RBM39: variants seen among roughly 807,000 people sequenced by gnomAD.
The protein encoded by RBM39 is RNA binding motif protein 39.
Under a neutral mutation model 79.6 loss-of-function variants are expected in RBM39, and 12 were observed. That is an observed-to-expected ratio of 0.15 (90% CI 0.10 to 0.24). RBM39 has a LOEUF of 0.24. Among genes scored for constraint, RBM39 ranks in the 10% least tolerant of loss-of-function variants. The pLI, the probability that RBM39 is intolerant of heterozygous loss-of-function variation, is 1.00. For missense variants in RBM39, 243 were observed against 653.4 expected, an observed-to-expected ratio of 0.37 and a Z score of 6.85; for synonymous variants, 185 against 208.4, an observed-to-expected ratio of 0.89 and a Z score of 0.97.
At chr20:35,707,314 T>C (rs905646011) in intron 13 of RBM39, 113 bp from the exon 14 acceptor site, 2 of 561,946 alleles carry the variant, frequency 3.6e-6, no homozygotes, top group Admixed American at 3.7e-5. Context: ...AGGATGTCAC[T>C]GGAGTTATTT....
intron 12 of RBM39, 48 bp downstream of exon 12, chr20:35,712,971 G>A (rs192200260): frequency 4.6e-5 from 70 of 1,525,448 alleles, no homozygotes; most frequent in African/African-American, 4.5e-4. Context: ...GAAAATTTTC[G>A]AATTAGATGA....
chr20:35,704,473 A>G lies in RBM39; in HGVS notation c.*8T>C, dbSNP rs1568977914. 1 of 1,579,784 alleles carries G rather than the reference A, an allele frequency of 6.3e-7. No individual in the cohort carries two copies. The highest frequency in any genetic ancestry group is 1.7e-5 in the Admixed American group (1 of 59,522). ...AAAAGCTATATACATAAGGGACTAT[A>G]TCTTCCTTCATCGTCTACTTGGAAC... is the stretch of plus-strand genomic sequence containing the variant. On this transcript the variant is annotated 3_prime_UTR_variant, in exon 17 of 17. Coordinates refer to ENST00000253363, the MANE Select transcript of RBM39 (RefSeq NM_184234.3).
At chr20:35,726,685 A>G (rs2038731433) in intron 6 of RBM39, among the ~76,000 whole-genome samples, 1 of 152,214 alleles carries the variant, frequency 6.6e-6, no homozygotes, top group African/African-American at 2.4e-5. Context: ...GTCTATTAAC[A>G]TCATCTCTGT....
chr20:35,720,762 A>C lies in RBM39; in HGVS notation c.825+978T>G, dbSNP rs555155878. Among the ~76,000 whole-genome samples, 3 of 152,182 alleles carry C rather than the reference A, an allele frequency of 2.0e-5. No individual in the cohort carries two copies. The East Asian group carries it at 5.8e-4, about 29-fold the overall frequency. ...ACTCCAGCCTGGGCAGCAGAATAAG[A>C]CTCTGTCTCAAAAAGTCAATGGAGA... is the stretch of plus-strand genomic sequence containing the variant. On this transcript the variant is annotated intron_variant, in intron 9 of 16. Transcript: ENST00000253363.
Position 35,705,213 on chromosome 20 carries a change from A to C in RBM39, c.1413+12T>G, listed in dbSNP as rs1453827949. 8 of 1,448,952 alleles carry C rather than the reference A, an allele frequency of 5.5e-6. No individual in the cohort carries two copies. The highest frequency in any genetic ancestry group is 6.7e-6 in the Non-Finnish European group (7 of 1,052,514). 89.8% of individuals were successfully genotyped at this position (1,448,952 alleles called of 1,614,324 possible). ...ACAACCTAACATCATTTATAAAAAA[A>C]GATGAAAATACCTGAGCTGAATTTT... is the stretch of plus-strand genomic sequence containing the variant. On this transcript the variant is annotated intron_variant, in intron 15 of 16. Coordinates refer to ENST00000253363, the MANE Select transcript of RBM39 (RefSeq NM_184234.3).
At chr20:35,720,142 T>C (rs2037723312) in intron 9 of RBM39, 1 of 154,862 alleles carries the variant, frequency 6.5e-6, no homozygotes, top group Non-Finnish European at 1.5e-5. Context: ...TCCTTTTAAA[T>C]TTATGCCTTT....
intron 1 of RBM39, 136 bp from the exon 2 acceptor site, chr20:35,741,023 C>CTTTTTTTT: frequency 2.4e-5 from 2 of 83,936 alleles, no homozygotes; most frequent in Non-Finnish European, 4.4e-5. Flanking sequence ...CGTGAGTAAA[C>CTTTTTTTT]ATTTTTCTTT....
At chr20:35,724,874 G>C (rs1038220600) in intron 7 of RBM39, 152 bp from the exon 8 acceptor site, 1 of 1,151,316 alleles carries the variant, frequency 8.7e-7, no homozygotes, top group Admixed American at 2.5e-5. Context: ...CTTTATCTTT[G>C]AACAAATTTG....
intron 2 of RBM39, chr20:35,739,856 G>A (rs1488230332): frequency 1.1e-5 from 2 of 176,800 alleles, no homozygotes; most frequent in African/African-American, 4.8e-5. Flanking sequence ...AAAAGGTTTA[G>A]TGAAATGTTT....
Position 35,707,109 on chromosome 20 carries a change from C to T in RBM39, c.1307+11G>A. ...TGATAGGAAATATCAAGAATAAAGT[C>T]CATTACTTACGTTTGAGGGTTAAAC... On this transcript the variant is annotated intron_variant, in intron 14 of 16. Transcript: ENST00000253363. The T allele has an allele frequency of 6.6e-7, 1 of 1,518,318 alleles. No individual in the cohort carries two copies. The highest frequency in any genetic ancestry group is 9.0e-7 in the Non-Finnish European group (1 of 1,108,314). The allele number at this position is 1,518,318 out of a possible 1,614,324, so 94.1% of individuals were successfully genotyped here. A position where few individuals can be genotyped will look rare whatever the true frequency, so the allele number is the denominator to read the frequency against.
intron 9 of RBM39, among the ~76,000 whole-genome samples, chr20:35,718,103 C>T (rs2037393387): frequency 6.6e-6 from 1 of 152,078 alleles, no homozygotes; most frequent in African/African-American, 2.4e-5. Flanking sequence ...TCGTGATCCA[C>T]CCGCCTCGGC....
chr20:35,708,093 TATATC>T (rs1485150456), intron 13 of RBM39: 4 of 234,054 alleles, frequency 1.7e-5, no homozygotes, highest in Non-Finnish European at 2.8e-5. Flanking sequence ...GTGCATGAAA[TATATC>T]ATAAATGATA....
intron 3 of RBM39, chr20:35,734,664 T>C: frequency 2.1e-6 from 1 of 476,664 alleles, no homozygotes; most frequent in Non-Finnish European, 3.4e-6. Context: ...ACTTAAGGTC[T>C]TCTAGGACTT....
intron 9 of RBM39, among the ~76,000 whole-genome samples, chr20:35,720,393 T>C (rs1569023240): frequency 6.6e-6 from 1 of 152,148 alleles, no homozygotes; most frequent in African/African-American, 2.4e-5. Context: ...TAACAGCTCA[T>C]GTGGCCCCAA....
intron 6 of RBM39, 76 bp from the exon 7 acceptor site, chr20:35,725,231 A>T: frequency 9.7e-7 from 1 of 1,029,232 alleles, no homozygotes; most frequent in Non-Finnish European, 1.4e-6. Context: ...ATTTCTTCAT[A>T]TAGTTCAACA....
chr20:35,738,912 G>A (rs148619397), intron 3 of RBM39, 56 bp downstream of exon 3: 2 of 1,460,864 alleles, frequency 1.4e-6, no homozygotes, highest in African/African-American at 1.4e-5. Context: ...ACAACTTAAG[G>A]TCTAAAACCA....
chr20:35,722,578 C>T (rs915350465), intron 8 of RBM39, among the ~76,000 whole-genome samples: 7 of 150,026 alleles, frequency 4.7e-5, no homozygotes, highest in Non-Finnish European at 1.0e-4. Flanking sequence ...GACTACAGCA[C>T]ACCCCACATC....
chr20:35,729,423 G>A (rs1484576439), intron 5 of RBM39, 39 bp downstream of exon 5: 17 of 1,607,692 alleles, frequency 1.1e-5, no homozygotes, highest in Non-Finnish European at 1.4e-5. Flanking sequence ...TTAGTTCCTT[G>A]AAAAACAATT....
Position 35,701,783 on chromosome 20 carries a change from A to G in RBM39, c.*2698T>C, listed in dbSNP as rs749183958. 4 of 152,024 alleles carry G rather than the reference A, an allele frequency of 2.6e-5. No homozygotes were observed. Among genetic ancestry groups the G allele is most frequent in the Non-Finnish European group, 5.9e-5 (4 of 68,040 alleles). The allele number at this position is 152,024 out of a possible 1,614,324, so 9.4% of individuals were successfully genotyped here. A position where few individuals can be genotyped will look rare whatever the true frequency, so the allele number is the denominator to read the frequency against. On this transcript the variant is annotated 3_prime_UTR_variant, in exon 17 of 17. Transcript: ENST00000253363. The stretch of plus-strand genomic sequence containing the variant: ...CAAAAAAAATTTGTATTCTTAGTAG[A>G]GACGGGGTTTCACTGTGTTGGCCAG...
Sources: allele counts gnomAD v4.1 joint callset (sites outside exome capture counted in the v4.1 genomes callset), GRCh38; gene constraint gnomAD v4.1.1; transcripts MANE v1.5; gene names NCBI Gene and HGNC (gene_info 2026-07-23, HGNC 2026-07-21).